CNTN5: variants seen among roughly 807,000 people sequenced by gnomAD.
CNTN5 encodes contactin 5.
Under a neutral mutation model 129.1 loss-of-function variants are expected in CNTN5, and 77 were observed. The observed-to-expected ratio is 0.60, with a 90% CI of 0.50 to 0.72. The LOEUF is 0.72. CNTN5 is among the 30% of genes least tolerant of loss of function. The probability of loss-of-function intolerance (pLI) is 0.00; values close to 1 mark genes in which losing one functional copy is unlikely to be tolerated. For missense variants in CNTN5, 1,478 were observed against 1,328.8 expected, an observed-to-expected ratio of 1.11 and a Z score of -1.75; for synonymous variants, 509 against 465.6, an observed-to-expected ratio of 1.09 and a Z score of -1.20.
chr11:100,088,614 T>C (rs1944643104), intron 13 of CNTN5, among the ~76,000 whole-genome samples: 1 of 152,070 alleles, frequency 6.6e-6, no homozygotes, highest in Non-Finnish European at 1.5e-5. Flanking sequence ...AACACCTCTA[T>C]GCACACAAAT....
chr11:99,113,759 C>T (rs992279550), intron 1 of CNTN5, among the ~76,000 whole-genome samples: 1 of 152,022 alleles, frequency 6.6e-6, no homozygotes, highest in African/African-American at 2.4e-5. Flanking sequence ...TAGCATGGCA[C>T]ACAAATAGCC....
At chr11:100,156,510 G>A (rs559251736) in intron 13 of CNTN5, among the ~76,000 whole-genome samples, 5 of 152,122 alleles carry the variant, frequency 3.3e-5, no homozygotes, top group South Asian at 4.2e-4. Context: ...GATGATGCTG[G>A]CCTCATAAAA....
intron 9 of CNTN5, among the ~76,000 whole-genome samples, chr11:100,016,291 C>T (rs921188542): frequency 1.3e-5 from 2 of 151,998 alleles, no homozygotes; most frequent in African/African-American, 4.8e-5. Flanking sequence ...CTCCTATGCC[C>T]ATATCATACA....
chr11:100,149,689 G>A (rs1946985140), intron 13 of CNTN5, among the ~76,000 whole-genome samples: 1 of 151,792 alleles, frequency 6.6e-6, no homozygotes, highest in Non-Finnish European at 1.5e-5. Flanking sequence ...TCAGGAGATC[G>A]AGACCATCCT....
intron 3 of CNTN5, among the ~76,000 whole-genome samples, chr11:99,690,078 T>G (rs1953975941): frequency 2.0e-5 from 3 of 152,192 alleles, no homozygotes; most frequent in Admixed American, 2.0e-4. Flanking sequence ...CATCTAAGTC[T>G]TTAATTCATC....
chr11:99,119,362 T>C (rs1328978817), intron 1 of CNTN5, among the ~76,000 whole-genome samples: 1 of 152,154 alleles, frequency 6.6e-6, no homozygotes, highest in Non-Finnish European at 1.5e-5. Context: ...ATCATTTGGC[T>C]CCCACTTATA....
At position 99,816,185 on chromosome 11, in the gene CNTN5, A is replaced by G. The variant is rs539238335; in HGVS notation, c.56-3359A>G. On this transcript the variant is annotated intron_variant, in intron 3 of 24. Transcript: ENST00000524871. ...TCACTTTGTGACATTCCACTTTCCT[A>G]CTTTTTTCCTTCCCTTTCCAGATTC... Among the ~76,000 whole-genome samples, 7 of 152,154 alleles carry G rather than the reference A, an allele frequency of 4.6e-5. No homozygotes were observed. The South Asian group carries it at 8.3e-4, about 18-fold the overall frequency.
chr11:99,029,094 A>G (rs1251628430), intron 1 of CNTN5, among the ~76,000 whole-genome samples: 1 of 151,722 alleles, frequency 6.6e-6, no homozygotes, highest in East Asian at 1.9e-4. Flanking sequence ...ATTATATACA[A>G]GAAAAAATAT....
At chr11:99,481,101 T>TA (rs1555001178) in intron 2 of CNTN5, among the ~76,000 whole-genome samples, 66 of 150,998 alleles carry the variant, frequency 4.4e-4, no homozygotes, top group African/African-American at 1.3e-3. Context: ...GGATTGGCAT[T>TA]TAAAAAAAAA....
intron 13 of CNTN5, among the ~76,000 whole-genome samples, chr11:100,189,333 G>A (rs1034191963): frequency 6.7e-6 from 1 of 149,768 alleles, no homozygotes; most frequent in African/African-American, 2.5e-5. Flanking sequence ...GGGGCCGAAA[G>A]TACAGGGCAT....
Position 100,115,938 on chromosome 11 carries a change from A to G in CNTN5, c.1580+41644A>G, listed in dbSNP as rs1945827453. 1.3e-5 allele frequency among the ~76,000 whole-genome samples: 2 copies of G among 152,064 alleles called. 1 individual carries two copies. The highest frequency in any genetic ancestry group is 4.1e-4 in the South Asian group (2 of 4,836). On this transcript the variant is annotated intron_variant, in intron 13 of 24. Transcript: ENST00000524871. ...ATTCATGTATTACCTCAAGCCATTC[A>G]TATGAAAAATTCAGGCCAATGACCA... is the stretch of plus-strand genomic sequence containing the variant.
intron 3 of CNTN5, among the ~76,000 whole-genome samples, chr11:99,783,254 T>C (rs1275615686): frequency 2.0e-5 from 2 of 100,090 alleles, no homozygotes; most frequent in Non-Finnish European, 4.0e-5. Context: ...GAAATGCAAA[T>C]CAAAACCACA....
At chr11:99,943,713 A>G (rs1950494122) in intron 7 of CNTN5, among the ~76,000 whole-genome samples, 1 of 152,094 alleles carries the variant, frequency 6.6e-6, no homozygotes, top group Non-Finnish European at 1.5e-5. Context: ...TTTATGTACA[A>G]GGTGTAAGGA....
At chr11:100,037,805 G>A (rs1081353) in intron 9 of CNTN5, among the ~76,000 whole-genome samples, 65,228 of 151,498 alleles carry the variant, frequency 0.43, 14,872 homozygotes, top group African/African-American at 0.57. Context: ...CTGTGGGATC[G>A]GTGGTGATAT....
chr11:99,936,066 A>G lies in CNTN5; in HGVS notation c.673+19917A>G, dbSNP rs116558486. Among the ~76,000 whole-genome samples, 801 of 152,246 alleles carry G rather than the reference A, an allele frequency of 5.3e-3. 7 individuals are homozygous for G. Among genetic ancestry groups the G allele is most frequent in the African/African-American group, 0.018 (750 of 41,550 alleles). ...GAATCCTATCCCTTCCATCAAATCT[A>G]TTTCAAGAAAGACACTTTGCAAAGC... On this transcript the variant is annotated intron_variant, in intron 7 of 24. Coordinates refer to ENST00000524871, the MANE Select transcript of CNTN5 (RefSeq NM_014361.4).
chr11:100,258,930 A>C (rs2212447), intron 17 of CNTN5, among the ~76,000 whole-genome samples: 30,124 of 152,154 alleles, frequency 0.2, 4,225 homozygotes, highest in East Asian at 0.61. Flanking sequence ...AACAGGATCA[A>C]ATTTACACAT....
rs113185664 is a variant in CNTN5 at position 99,455,451 on chromosome 11, A to T, written c.-70-100694A>T. The stretch of plus-strand genomic sequence containing the variant: ...TGAAAAATATGTAGTTTTTTTTTTT[A>T]AAAAAAACATAAGAATTATTTCAAA... On this transcript the variant is annotated intron_variant, in intron 2 of 24. Transcript: ENST00000524871. 3.7e-3 allele frequency among the ~76,000 whole-genome samples: 557 copies of T among 150,570 alleles called. 3 individuals are homozygous for T. The highest frequency in any genetic ancestry group is 0.011 in the African/African-American group (432 of 41,136).
chr11:99,544,792 A>G (rs1948237428), intron 2 of CNTN5, among the ~76,000 whole-genome samples: 3 of 152,226 alleles, frequency 2.0e-5, no homozygotes, highest in Admixed American at 2.0e-4. Context: ...CCCAGAATTC[A>G]GATTTCTTTA....
At chr11:99,463,384 G>T (rs1430033749) in intron 2 of CNTN5, among the ~76,000 whole-genome samples, 1 of 145,746 alleles carries the variant, frequency 6.9e-6, no homozygotes, top group Non-Finnish European at 1.5e-5. Flanking sequence ...CTTACAGTGA[G>T]CCGAGATCGC....
Sources: allele counts gnomAD v4.1 joint callset (sites outside exome capture counted in the v4.1 genomes callset), GRCh38; gene constraint gnomAD v4.1.1; transcripts MANE v1.5; gene names NCBI Gene and HGNC (gene_info 2026-07-23, HGNC 2026-07-21).